The following ATP9B variants were observed in gnomAD, a reference collection of about 807,000 sequenced individuals.
ATP9B encodes the protein ATPase phospholipid transporting 9B, also known as probable phospholipid-transporting ATPase IIB.
In ATP9B, 110 loss-of-function variants were observed where a neutral mutation model predicts 146.1. The observed-to-expected ratio is 0.75, with a 90% CI of 0.65 to 0.88. ATP9B has a LOEUF of 0.88. Among genes scored for constraint, ATP9B ranks in the 40% least tolerant of loss-of-function variants. The pLI is 0.00. For synonymous variants in ATP9B, 604 were observed against 569.7 expected (o/e 1.06, Z -0.86); for missense variants, 1,499 against 1,496.4 (o/e 1.00, Z -0.03).
At position 79,344,058 on chromosome 18, in the gene ATP9B, T is replaced by C. The variant is rs1041065766; in HGVS notation, c.2383-207T>C. 6 of 586,870 alleles carry C rather than the reference T, an allele frequency of 1.0e-5. No homozygotes were observed. In the South Asian group the frequency reaches 1.0e-4, roughly 10 times the overall value. 36.4% of individuals were successfully genotyped at this position (586,870 alleles called of 1,614,324 possible). A position where few individuals can be genotyped will look rare whatever the true frequency, so the allele number is the denominator to read the frequency against. On this transcript the variant is annotated intron_variant, in intron 20 of 29. Coordinates refer to ENST00000426216, the MANE Select transcript of ATP9B (RefSeq NM_198531.5). ...GCAGTTGCCACAAATTTGAAAATGA[T>C]TGGCGTTAACTGAGTGGATAGACAC...
intron 13 of ATP9B, among the ~76,000 whole-genome samples, chr18:79,287,461 G>A (rs1253374620): frequency 6.6e-6 from 1 of 152,138 alleles, no homozygotes; most frequent in African/African-American, 2.4e-5. Flanking sequence ...GATCGGTGGT[G>A]ATATCCTCTA....
rs1568700354 is a variant in ATP9B at position 79,327,765 on chromosome 18, T to TGGTTAGCGTGCTCTCC, written c.1774-1375_1774-1374insGTTAGCGTGCTCTCCG. 4.6e-4 allele frequency among the ~76,000 whole-genome samples: 26 copies of TGGTTAGCGTGCTCTCC among 56,372 alleles called. 1 individual carries two copies. Among genetic ancestry groups the TGGTTAGCGTGCTCTCC allele is most frequent in the African/African-American group, 2.0e-3 (24 of 12,152 alleles). The allele number at this position is 56,372 out of a possible 152,430, so 37.0% of individuals were successfully genotyped here. A position where few individuals can be genotyped will look rare whatever the true frequency, so the allele number is the denominator to read the frequency against. On this transcript the variant is annotated intron_variant, in intron 15 of 29. Transcript: ENST00000426216. Reference sequence around the variant, plus strand: ...TGCTCTCCGTGGTTAGCGTGCTCTCTGTGGTTAACGTGCTCTCCGTGGTTA... The same window carrying TGGTTAGCGTGCTCTCC: ...TGCTCTCCGTGGTTAGCGTGCTCTCTGGTTAGCGTGCTCTCCGTGGTTAACGTGCTCTCCGTGGTTA...
intron 1 of ATP9B, among the ~76,000 whole-genome samples, chr18:79,076,168 G>C (rs2072590346): frequency 6.6e-6 from 1 of 152,202 alleles, no homozygotes; most frequent in Non-Finnish European, 1.5e-5. Flanking sequence ...ATATCAGACA[G>C]TGTTAACAAT....
At chr18:79,360,004 A>G (rs932231341) in intron 26 of ATP9B, 1 of 155,042 alleles carries the variant, frequency 6.4e-6, no homozygotes, top group African/African-American at 2.4e-5. Context: ...TGATGTCACC[A>G]AGAAAAAAAT....
At position 79,336,625 on chromosome 18, in the gene ATP9B, C is replaced by T; in HGVS notation, c.2029-3C>T. The stretch of plus-strand genomic sequence containing the variant: ...ACCTGTGACTCGGCCTCTCCTTTTC[C>T]AGTGCGGAAACATGGCTCGCGAAGG... On this transcript the variant is annotated splice_region_variant and splice_polypyrimidine_tract_variant and intron_variant, in intron 17 of 29. Coordinates refer to ENST00000426216, the MANE Select transcript of ATP9B (RefSeq NM_198531.5). 1.2e-6 allele frequency: 2 copies of T among 1,613,820 alleles called. No individual in the cohort carries two copies. The highest frequency in any genetic ancestry group is 1.7e-6 in the Non-Finnish European group (2 of 1,179,926).
intron 11 of ATP9B, among the ~76,000 whole-genome samples, chr18:79,237,693 G>T (rs2095854884): frequency 1.4e-5 from 2 of 138,028 alleles, no homozygotes; most frequent in African/African-American, 2.7e-5. Context: ...TTTTTTTGGG[G>T]GGGGGTGGGG....
chr18:79,301,379 C>A (rs1419330485), intron 13 of ATP9B, among the ~76,000 whole-genome samples: 1 of 152,146 alleles, frequency 6.6e-6, no homozygotes, highest in Non-Finnish European at 1.5e-5. Flanking sequence ...GTAATCCCAG[C>A]TACTGGGGTG....
chr18:79,308,305 C>T (rs903417144), intron 15 of ATP9B, among the ~76,000 whole-genome samples: 22 of 152,198 alleles, frequency 1.4e-4, no homozygotes, highest in Middle Eastern at 3.4e-3. Flanking sequence ...ATGGAATTAC[C>T]ATATGCCCCG....
intron 12 of ATP9B, among the ~76,000 whole-genome samples, chr18:79,274,239 A>T (rs909966453): frequency 3.9e-5 from 6 of 152,330 alleles, no homozygotes; most frequent in African/African-American, 1.4e-4. Context: ...TTAAAATTCT[A>T]TAAAATTAGA....
At chr18:79,111,237 G>A (rs899730505) in intron 3 of ATP9B, among the ~76,000 whole-genome samples, 4 of 152,202 alleles carry the variant, frequency 2.6e-5, no homozygotes, top group African/African-American at 9.6e-5. Flanking sequence ...AAGGAAGCTG[G>A]TATTGATTAT....
chr18:79,094,874 A>G (rs1160426184), intron 1 of ATP9B, among the ~76,000 whole-genome samples: 1 of 152,152 alleles, frequency 6.6e-6, no homozygotes, highest in African/African-American at 2.4e-5. Flanking sequence ...ACAGGTTGTG[A>G]TCAGAAATAT....
At chr18:79,196,352 A>C (rs1236821371) in intron 9 of ATP9B, among the ~76,000 whole-genome samples, 2 of 152,224 alleles carry the variant, frequency 1.3e-5, no homozygotes, top group Non-Finnish European at 2.9e-5. Flanking sequence ...TATGGTGAGC[A>C]CTGAAGATCT....
chr18:79,223,639 T>C (rs2095702016), intron 11 of ATP9B, among the ~76,000 whole-genome samples: 1 of 152,222 alleles, frequency 6.6e-6, no homozygotes, highest in Non-Finnish European at 1.5e-5. Context: ...CATAATTCTG[T>C]AGCTTCTAGA....
chr18:79,292,498 G>C (rs1234720581), intron 13 of ATP9B, among the ~76,000 whole-genome samples: 1 of 152,162 alleles, frequency 6.6e-6, no homozygotes, highest in African/African-American at 2.4e-5. Context: ...AACAATTCTA[G>C]CTTCTTTTAT....
At chr18:79,307,277 T>C in intron 15 of ATP9B, 43 bp downstream of exon 15, 1 of 1,612,224 alleles carries the variant, frequency 6.2e-7, no homozygotes, top group Non-Finnish European at 8.5e-7. Context: ...CCGTTCCATT[T>C]GGACTCCAGA....
intron 4 of ATP9B, chr18:79,117,710 G>A (rs1428848281): frequency 6.6e-6 from 1 of 152,208 alleles, no homozygotes; most frequent in Non-Finnish European, 1.5e-5. Flanking sequence ...ACACACAGAA[G>A]AAACACTGAA....
intron 1 of ATP9B, among the ~76,000 whole-genome samples, chr18:79,084,780 C>T (rs924936000): frequency 1.3e-5 from 2 of 151,998 alleles, no homozygotes; most frequent in African/African-American, 2.4e-5. Flanking sequence ...TCAGGTTTTC[C>T]TTGAAGTGGA....
chr18:79,072,765 G>A (rs1032793423), intron 1 of ATP9B, among the ~76,000 whole-genome samples: 56 of 151,338 alleles, frequency 3.7e-4, no homozygotes, highest in African/African-American at 1.1e-3. Context: ...CAGACGGGGC[G>A]GCTGGGCGGA....
chr18:79,355,576 G>A (rs918593183), intron 25 of ATP9B, among the ~76,000 whole-genome samples: 1 of 151,960 alleles, frequency 6.6e-6, no homozygotes, highest in Admixed American at 6.6e-5. Context: ...AAAACTGACT[G>A]AAAAAAAATG....
Sources: allele counts gnomAD v4.1 joint callset (sites outside exome capture counted in the v4.1 genomes callset), GRCh38; gene constraint gnomAD v4.1.1; transcripts MANE v1.5; gene names NCBI Gene and HGNC (gene_info 2026-07-23, HGNC 2026-07-21).